The following KCND3 variants were observed in gnomAD, a reference collection of about 807,000 sequenced individuals.
KCND3 encodes the protein potassium voltage-gated channel subfamily D member 3.
In KCND3, 9 loss-of-function variants were observed where a neutral mutation model predicts 51.1. The ratio of observed to expected loss-of-function variants is 0.18; its 90% CI spans 0.11 to 0.31. The LOEUF (loss-of-function observed/expected upper bound fraction) is 0.31. KCND3 is among the 10% of genes least tolerant of loss of function. The probability of loss-of-function intolerance (pLI) is 1.00; values close to 1 mark genes in which losing one functional copy is unlikely to be tolerated. For missense variants in KCND3, 526 were observed against 903.8 expected (o/e 0.58, Z 5.36); for synonymous variants, 349 against 368.0 (o/e 0.95, Z 0.59).
In KCND3 at chr1:111,775,813, TCCCCGAC is replaced by T; in HGVS notation, c.*257_*263del. 3.5e-6 allele frequency: 1 copy of T among 284,072 alleles called. No homozygotes were observed. Among genetic ancestry groups the T allele is most frequent in the Non-Finnish European group, 6.9e-6 (1 of 145,376 alleles). 17.6% of individuals were successfully genotyped at this position (284,072 alleles called of 1,614,324 possible). Reference sequence around the variant, plus strand: ...CACATAGCCTATATCCCCCGGCCTATCCCCGACCCCCCCACCCTCCCTCCCTTCCTCT... The same window carrying T: ...CACATAGCCTATATCCCCCGGCCTATCCCCCCACCCTCCCTCCCTTCCTCT... On this transcript the variant is annotated 3_prime_UTR_variant, in exon 8 of 8. Coordinates refer to ENST00000302127, the MANE Select transcript of KCND3 (RefSeq NM_001378969.1).
intron 2 of KCND3, among the ~76,000 whole-genome samples, chr1:111,941,639 T>A (rs1240291593): frequency 6.6e-6 from 1 of 152,154 alleles, no homozygotes; most frequent in Non-Finnish European, 1.5e-5. Context: ...CCCCAGCAGA[T>A]GACAGGCAGC....
chr1:111,946,000 AAC>A (rs2101896174), intron 2 of KCND3, among the ~76,000 whole-genome samples: 1 of 152,342 alleles, frequency 6.6e-6, no homozygotes, highest in South Asian at 2.1e-4. Flanking sequence ...AAAAGGGGAG[AAC>A]ACTACCAACA....
At chr1:111,850,037 AC>A (rs1349530928) in intron 2 of KCND3, among the ~76,000 whole-genome samples, 2 of 152,068 alleles carry the variant, frequency 1.3e-5, no homozygotes, top group Non-Finnish European at 2.9e-5. Context: ...TGCCTAGGTA[AC>A]CCACCAGAGA....
intron 2 of KCND3, among the ~76,000 whole-genome samples, chr1:111,928,522 G>A (rs552273954): frequency 6.6e-6 from 1 of 152,316 alleles, no homozygotes; most frequent in African/African-American, 2.4e-5. Context: ...GGCTTCAGAC[G>A]GCATCACGCA....
At chr1:111,915,351 CAAGA>C (rs889973919) in intron 2 of KCND3, among the ~76,000 whole-genome samples, 27 of 151,564 alleles carry the variant, frequency 1.8e-4, no homozygotes, top group African/African-American at 6.5e-4. Context: ...TTTTAAAAAG[CAAGA>C]CCTAACTATG....
At chr1:111,946,946 T>A (rs761172269) in intron 2 of KCND3, among the ~76,000 whole-genome samples, 1 of 152,192 alleles carries the variant, frequency 6.6e-6, no homozygotes, top group Non-Finnish European at 1.5e-5. Flanking sequence ...TTTGCTCTCT[T>A]TTGGTTCCTA....
chr1:111,926,480 A>G (rs150885419), intron 2 of KCND3, among the ~76,000 whole-genome samples: 1 of 152,362 alleles, frequency 6.6e-6, no homozygotes, highest in African/African-American at 2.4e-5. Flanking sequence ...GGTATGTCTG[A>G]GTCCTGAGCC....
At chr1:111,919,896 A>C (rs1336140461) in intron 2 of KCND3, among the ~76,000 whole-genome samples, 1 of 152,216 alleles carries the variant, frequency 6.6e-6, no homozygotes, top group Admixed American at 6.5e-5. Context: ...ATGTGAATGA[A>C]TGACACTGCC....
intron 2 of KCND3, among the ~76,000 whole-genome samples, chr1:111,842,870 T>G (rs1024972776): frequency 1.1e-4 from 17 of 152,220 alleles, no homozygotes; most frequent in Non-Finnish European, 8.8e-5. Flanking sequence ...CTTTGGGTCC[T>G]TGGATCACGG....
At chr1:111,847,305 A>G (rs533452859) in intron 2 of KCND3, among the ~76,000 whole-genome samples, 1 of 152,300 alleles carries the variant, frequency 6.6e-6, no homozygotes, top group South Asian at 2.1e-4. Context: ...TTACAAAAGT[A>G]TATTGATTGA....
chr1:111,962,564 C>CCT (rs1673720471), intron 2 of KCND3, among the ~76,000 whole-genome samples: 1 of 152,212 alleles, frequency 6.6e-6, no homozygotes, highest in African/African-American at 2.4e-5. Flanking sequence ...ACTTAGAGCC[C>CCT]CTGCCTTTGC....
intron 2 of KCND3, among the ~76,000 whole-genome samples, chr1:111,867,304 A>AT (rs1557987766): frequency 1.3e-5 from 2 of 152,052 alleles, no homozygotes; most frequent in African/African-American, 2.4e-5. Flanking sequence ...TAGGTGCTCA[A>AT]TGTGTGTTTG....
intron 2 of KCND3, among the ~76,000 whole-genome samples, chr1:111,790,045 A>C (rs1664763942): frequency 6.6e-6 from 1 of 152,236 alleles, no homozygotes; most frequent in South Asian, 2.1e-4. Flanking sequence ...AAAGTAAATA[A>C]GTAAATGAAA....
chr1:111,870,286 T>G (rs562575931), intron 2 of KCND3, among the ~76,000 whole-genome samples: 20 of 152,364 alleles, frequency 1.3e-4, no homozygotes, highest in African/African-American at 4.8e-4. Flanking sequence ...TGGATTGCCT[T>G]GATAACTGGC....
At chr1:111,877,217 T>A (rs535848212) in intron 2 of KCND3, among the ~76,000 whole-genome samples, 2 of 152,364 alleles carry the variant, frequency 1.3e-5, no homozygotes, top group Admixed American at 6.5e-5. Context: ...TCCCGTGAAG[T>A]GCCAGGCACT....
Position 111,982,740 on chromosome 1 carries a change from C to CT in KCND3, c.-15dup. On this transcript the variant is annotated 5_prime_UTR_variant, in exon 2 of 8. Transcript: ENST00000302127. This position sits in a 1 kb window ranked among gnomAD's most constrained non-coding sequence, Gnocchi z 8.5. ...TCCGGCCGCCATGGTGACTCCAGCT[C>CT]TTGGGCCGGCAGCCGCGCGGACGCT... The CT allele has an allele frequency of 1.3e-6, 2 of 1,599,012 alleles. No homozygotes were observed. Among genetic ancestry groups the CT allele is most frequent in the Non-Finnish European group, 1.7e-6 (2 of 1,178,286 alleles).
Position 111,780,233 on chromosome 1 carries a change from T to C in KCND3, c.1453A>G (p.Lys485Glu). The change falls in exon 5 of 8, where the codon AAA becomes GAA. Residue 485 changes from lysine to glutamate, a missense_variant. Transcript: ENST00000302127. The surrounding 1 kb of genome is among the most constrained non-coding windows in gnomAD (Gnocchi z 4.2). ...AAAGGGCTGGGACTCACAGTGGTTT[T>C]TTCCAGGCAGTGCAGCAGGTGATGA... ...QHHHLLHCLE[K>E]TTGLSYLVDD... 6.3e-7 allele frequency: 1 copy of C among 1,586,606 alleles called. No homozygotes were observed. Among genetic ancestry groups the C allele is most frequent in the Non-Finnish European group, 8.6e-7 (1 of 1,165,648 alleles).
chr1:111,868,301 G>A (rs79572019), intron 2 of KCND3, among the ~76,000 whole-genome samples: 3,495 of 152,292 alleles, frequency 0.023, 72 homozygotes, highest in Middle Eastern at 0.048. Context: ...CACGCTACCT[G>A]CCAGTTAGTC....
intron 2 of KCND3, among the ~76,000 whole-genome samples, chr1:111,976,300 C>T (rs1337119832): frequency 2.0e-5 from 3 of 152,206 alleles, no homozygotes; most frequent in Non-Finnish European, 4.4e-5. Flanking sequence ...GGCAAACTTC[C>T]CTTGCAAGAA....
Sources: gnomAD v4.1 joint callset for allele counts (sites outside exome capture counted in the v4.1 genomes callset) on GRCh38, gnomAD v4.1.1 for gene constraint, Gnocchi (gnomAD v3.1) non-coding constraint, MANE v1.5 for transcripts, NCBI Gene and HGNC (gene_info 2026-07-23, HGNC 2026-07-21) for gene names.